The following TNIK variants were observed in gnomAD, a reference collection of about 807,000 sequenced individuals.
TNIK encodes the protein TRAF2 and NCK interacting kinase.
Under a neutral mutation model 191.3 loss-of-function variants are expected in TNIK, and 49 were observed. The observed-to-expected ratio is 0.26, with a 90% CI of 0.20 to 0.32. The LOEUF (loss-of-function observed/expected upper bound fraction) is 0.32, where lower values mean the gene tolerates loss of function less well. Ranked by LOEUF, TNIK falls within the 10% of genes least tolerant of loss-of-function variation. The probability of loss-of-function intolerance (pLI) is 1.00; values close to 1 mark genes in which losing one functional copy is unlikely to be tolerated. For missense variants in TNIK, 1,155 were observed against 1,702.3 expected (o/e 0.68, Z 5.66); for synonymous variants, 594 against 600.9 (o/e 0.99, Z 0.17).
chr3:171,400,572 C>CAATAAATAAATA (rs10529118), intron 1 of TNIK, among the ~76,000 whole-genome samples: 1,704 of 145,834 alleles, frequency 0.012, 33 homozygotes, highest in African/African-American at 0.036. Flanking sequence ...TCCTATCTCA[C>CAATAAATAAATA]AATAAATAAA....
intron 18 of TNIK, among the ~76,000 whole-genome samples, chr3:171,118,295 A>G (rs1727082311): frequency 6.6e-6 from 1 of 152,226 alleles, no homozygotes; most frequent in Non-Finnish European, 1.5e-5. Flanking sequence ...AAGAGGATAC[A>G]AAGAAATGGA....
At chr3:171,428,695 G>A (rs7638292) in intron 1 of TNIK, among the ~76,000 whole-genome samples, 87,403 of 147,362 alleles carry the variant, frequency 0.59, 26,142 homozygotes, top group Middle Eastern at 0.67. Context: ...TAGTCATCCA[G>A]GCCAGTAGCT....
In TNIK at chr3:171,062,483, A is replaced by G. The variant is rs148207098; in HGVS notation, c.*1398T>C. ...GCGGCCATGCTTGTAGCTTTGGAAAAAAAAAATCCCAGTCGCATAAAAGTT... is the reference window on the plus strand; with the variant it reads ...GCGGCCATGCTTGTAGCTTTGGAAAGAAAAAATCCCAGTCGCATAAAAGTT... On this transcript the variant is annotated 3_prime_UTR_variant, in exon 33 of 33. Coordinates refer to ENST00000436636, the MANE Select transcript of TNIK (RefSeq NM_015028.4). 7.2e-5 allele frequency: 11 copies of G among 152,290 alleles called. No individual in the cohort carries two copies. The East Asian group carries it at 1.9e-3, about 27-fold the overall frequency. The allele number at this position is 152,290 out of a possible 1,614,324, so 9.4% of individuals were successfully genotyped here.
intron 12 of TNIK, among the ~76,000 whole-genome samples, chr3:171,147,062 T>C (rs1469404635): frequency 6.6e-6 from 1 of 152,186 alleles, no homozygotes; most frequent in East Asian, 1.9e-4. Flanking sequence ...AATCTAACCA[T>C]TCAGAGTGAA....
chr3:171,186,801 TC>T (rs1249532651), intron 7 of TNIK, among the ~76,000 whole-genome samples: 4 of 152,236 alleles, frequency 2.6e-5, no homozygotes, highest in African/African-American at 9.6e-5. Flanking sequence ...CTGTGGCTAC[TC>T]ATACAACAGG....
chr3:171,263,499 G>GT (rs966531453), intron 2 of TNIK, among the ~76,000 whole-genome samples: 1 of 152,124 alleles, frequency 6.6e-6, no homozygotes, highest in African/African-American at 2.4e-5. Context: ...TTTCAATGAT[G>GT]TTGCCTTTTA....
intron 10 of TNIK, among the ~76,000 whole-genome samples, chr3:171,162,315 T>C (rs1480484129): frequency 6.6e-6 from 1 of 151,942 alleles, no homozygotes; most frequent in African/African-American, 2.4e-5. Flanking sequence ...TCCCAGCTAC[T>C]TGGGAGGCTG....
chr3:171,090,798 T>C (rs1721964348), intron 23 of TNIK, among the ~76,000 whole-genome samples: 2 of 152,066 alleles, frequency 1.3e-5, no homozygotes, highest in African/African-American at 4.8e-5. Flanking sequence ...ACCACAGGGA[T>C]AAGGGTATGC....
chr3:171,194,011 T>A (rs1738360668), intron 5 of TNIK, among the ~76,000 whole-genome samples: 1 of 152,206 alleles, frequency 6.6e-6, no homozygotes. Flanking sequence ...AGATTTTTTT[T>A]AAAGGTAAAA....
At chr3:171,092,199 CG>C (rs1286653439) in intron 23 of TNIK, among the ~76,000 whole-genome samples, 3 of 152,036 alleles carry the variant, frequency 2.0e-5, no homozygotes, top group Non-Finnish European at 4.4e-5. Context: ...CCTCCCACCT[CG>C]GCCTCCCAAA....
chr3:171,191,119 C>A (rs895630553), intron 5 of TNIK, among the ~76,000 whole-genome samples: 1 of 152,126 alleles, frequency 6.6e-6, no homozygotes, highest in African/African-American at 2.4e-5. Context: ...CTGTGAAAAG[C>A]GAAGTTTAAA....
chr3:171,091,564 G>A (rs1454185871), intron 23 of TNIK, among the ~76,000 whole-genome samples: 2 of 152,008 alleles, frequency 1.3e-5, no homozygotes, highest in African/African-American at 2.4e-5. Flanking sequence ...GCAACACAGT[G>A]AAACCCCATC....
intron 1 of TNIK, among the ~76,000 whole-genome samples, chr3:171,406,769 C>G (rs948260017): frequency 6.6e-6 from 1 of 152,164 alleles, no homozygotes; most frequent in Non-Finnish European, 1.5e-5. Context: ...TAGTAAAGAG[C>G]CCAAGAATTA....
chr3:171,458,559 G>A (rs745370174), intron 1 of TNIK, among the ~76,000 whole-genome samples: 4 of 152,178 alleles, frequency 2.6e-5, no homozygotes, highest in Non-Finnish European at 5.9e-5. Context: ...AAGAGATGTG[G>A]AGGAAAAGGT....
rs1204392628 is a variant in TNIK at position 171,058,559 on chromosome 3, G to A, written c.*5322C>T. On this transcript the variant is annotated 3_prime_UTR_variant, in exon 33 of 33. Transcript: ENST00000436636. ...AGAAAGTACTTTCTCAATGATTTTT[G>A]TATGCAAGAAAAAAAATACCTGAAA... 6.6e-6 allele frequency among the ~76,000 whole-genome samples: 1 copy of A among 151,970 alleles called. No homozygotes were observed. Among genetic ancestry groups the A allele is most frequent in the Non-Finnish European group, 1.5e-5 (1 of 67,998 alleles).
At chr3:171,452,743 CACACACA>C (rs2108733189) in intron 1 of TNIK, among the ~76,000 whole-genome samples, 1 of 150,976 alleles carries the variant, frequency 6.6e-6, no homozygotes, top group African/African-American at 2.4e-5. Flanking sequence ...CACACACACA[CACACACA>C]CACACACACA....
chr3:171,353,553 G>C (rs997940291), intron 2 of TNIK, among the ~76,000 whole-genome samples: 6 of 152,086 alleles, frequency 3.9e-5, no homozygotes, highest in African/African-American at 1.4e-4. Context: ...AGCTTTTAAA[G>C]AGACACATTA....
At chr3:171,374,252 A>G (rs4894426) in intron 1 of TNIK, among the ~76,000 whole-genome samples, 135,669 of 152,194 alleles carry the variant, frequency 0.89, 60,831 homozygotes, top group South Asian at 0.96. Context: ...AATGGACAAA[A>G]CTGTCACATG....
intron 1 of TNIK, among the ~76,000 whole-genome samples, chr3:171,457,281 T>C (rs1333143001): frequency 6.6e-6 from 1 of 152,224 alleles, no homozygotes; most frequent in African/African-American, 2.4e-5. Flanking sequence ...GGGTCCGGTC[T>C]GGAATCACTG....
Sources: gnomAD v4.1 joint callset for allele counts (sites outside exome capture counted in the v4.1 genomes callset) on GRCh38, gnomAD v4.1.1 for gene constraint, MANE v1.5 for transcripts, NCBI Gene and HGNC (gene_info 2026-07-23, HGNC 2026-07-21) for gene names.